Variants in ALG5 observed in about 807,000 individuals in gnomAD.
ALG5 encodes the protein dolichyl-phosphate beta-glucosyltransferase.
A neutral mutation model predicts 51.8 loss-of-function variants in ALG5; 26 were observed. That is an observed-to-expected ratio of 0.50 (90% confidence interval 0.37 to 0.70). ALG5 has a LOEUF of 0.70. Among genes scored for constraint, ALG5 ranks in the 30% least tolerant of loss-of-function variants. The probability of loss-of-function intolerance (pLI) is 0.00; values close to 1 mark genes in which losing one functional copy is unlikely to be tolerated. For missense variants in ALG5, 311 were observed against 399.3 expected (o/e 0.78, Z 1.88); for synonymous variants, 141 against 136.1 (o/e 1.04, Z -0.25).
At chr13:36,989,917 T>A (rs944662260) in intron 4 of ALG5, among the ~76,000 whole-genome samples, 1 of 152,240 alleles carries the variant, frequency 6.6e-6, no homozygotes, top group Non-Finnish European at 1.5e-5. Context: ...CCATGTGCTA[T>A]CTGACTGGTA....
intron 8 of ALG5, among the ~76,000 whole-genome samples, chr13:36,955,913 G>A (rs938634438): frequency 2.6e-5 from 4 of 151,964 alleles, no homozygotes; most frequent in African/African-American, 9.7e-5. Context: ...GAAAACATAT[G>A]GAAAAAACTA....
At chr13:36,991,768 CT>C (rs1037520299) in intron 4 of ALG5, among the ~76,000 whole-genome samples, 4 of 151,382 alleles carry the variant, frequency 2.6e-5, no homozygotes, top group Admixed American at 1.3e-4. Context: ...AGAGATGATT[CT>C]TTTTTTTTGA....
chr13:36,998,022 A>T (rs2059059503), intron 1 of ALG5, among the ~76,000 whole-genome samples: 1 of 152,234 alleles, frequency 6.6e-6, no homozygotes, highest in Admixed American at 6.5e-5. Flanking sequence ...AACTCCTATT[A>T]AACCAAGTGC....
intron 6 of ALG5, among the ~76,000 whole-genome samples, chr13:36,977,806 AAAAAAAAAC>A (rs2058959551): frequency 1.4e-5 from 2 of 147,984 alleles, no homozygotes; most frequent in African/African-American, 5.0e-5. Flanking sequence ...AAAAAAAAAA[AAAAAAAAAC>A]AAAAACGGTG....
intron 6 of ALG5, among the ~76,000 whole-genome samples, chr13:36,980,595 C>T (rs2058975280): frequency 2.0e-5 from 3 of 152,006 alleles, no homozygotes; most frequent in African/African-American, 7.3e-5. Flanking sequence ...GACTAACTAC[C>T]AGTTAGGAAA....
At chr13:36,961,700 T>C (rs920688656) in intron 8 of ALG5, among the ~76,000 whole-genome samples, 2 of 152,178 alleles carry the variant, frequency 1.3e-5, no homozygotes. Context: ...GTTTTTAACA[T>C]ACCCATTTAA....
intron 9 of ALG5, among the ~76,000 whole-genome samples, chr13:36,951,574 T>C (rs2058818055): frequency 6.6e-6 from 1 of 152,208 alleles, no homozygotes; most frequent in Non-Finnish European, 1.5e-5. Context: ...TGTGAATTAA[T>C]TTAGGTTCAT....
At chr13:36,999,193 C>A in intron 1 of ALG5, 42 bp downstream of exon 1, 1 of 1,518,028 alleles carries the variant, frequency 6.6e-7, no homozygotes. Flanking sequence ...TCCAGGAGAG[C>A]GGTAAGCCCC....
rs535486849 is a variant in ALG5, at chr13:36,999,294, G to A, written c.7C>T (p.Pro3Ser). MA[P>S]LLLQLAVLGA... is the part of the protein sequence containing the mutation. ...AGCACCGCCAGCTGCAACAGAAGCG[G>A]AGCCATTCTCCATGCCGTGGCAGCC... The change falls in exon 1 of 10, where the codon CCG (proline) becomes TCG (serine). Residue 3 changes from proline to serine, a missense_variant. Coordinates refer to ENST00000239891, the MANE Select transcript of ALG5 (RefSeq NM_013338.5). 3 of 1,575,500 alleles carry A rather than the reference G, an allele frequency of 1.9e-6. No homozygotes were observed. The highest frequency in any genetic ancestry group is 5.1e-5 in the East Asian group (2 of 39,488).
chr13:36,965,182 AAGG>A (rs1399015218), intron 8 of ALG5, among the ~76,000 whole-genome samples: 2 of 152,144 alleles, frequency 1.3e-5, no homozygotes, highest in Non-Finnish European at 2.9e-5. Context: ...GACAAGGTGG[AAGG>A]AGATGTAGAG....
chr13:36,997,071 AC>A (rs760335929), intron 1 of ALG5, among the ~76,000 whole-genome samples: 23 of 152,290 alleles, frequency 1.5e-4, no homozygotes, highest in Non-Finnish European at 2.6e-4. Context: ...CATCCTAACT[AC>A]CAGTTTATAG....
At chr13:36,994,736 C>A (rs1010378395) in intron 3 of ALG5, among the ~76,000 whole-genome samples, 8 of 151,824 alleles carry the variant, frequency 5.3e-5, no homozygotes, top group African/African-American at 1.9e-4. Flanking sequence ...TCAAGCAAGA[C>A]AGGATTAAAA....
intron 4 of ALG5, 75 bp downstream of exon 4, chr13:36,993,529 A>G: frequency 7.9e-7 from 1 of 1,266,578 alleles, no homozygotes; most frequent in Non-Finnish European, 1.2e-6. Context: ...CTGGTGAATG[A>G]AAGTGAGATT....
chr13:36,972,655 G>A (rs547418104), intron 6 of ALG5, among the ~76,000 whole-genome samples: 1 of 152,234 alleles, frequency 6.6e-6, no homozygotes, highest in African/African-American at 2.4e-5. Context: ...CACACAGAAG[G>A]TCTTGTCATG....
At chr13:36,957,289 C>A (rs568627496) in intron 8 of ALG5, among the ~76,000 whole-genome samples, 1 of 151,400 alleles carries the variant, frequency 6.6e-6, no homozygotes, top group African/African-American at 2.4e-5. Context: ...TACCCACATG[C>A]CCAAATCTCA....
intron 1 of ALG5, among the ~76,000 whole-genome samples, chr13:36,997,964 A>G (rs2059059158): frequency 6.6e-6 from 1 of 152,216 alleles, no homozygotes; most frequent in South Asian, 2.1e-4. Context: ...CCTCACCAGT[A>G]AAATAATGCT....
At chr13:36,952,846 A>G (rs1175575026) in intron 8 of ALG5, 1 of 260,844 alleles carries the variant, frequency 3.8e-6, no homozygotes, top group Non-Finnish European at 7.1e-6. Flanking sequence ...TCACAGAGGT[A>G]AAACTAGCCT....
At chr13:36,998,003 A>ATAG (rs2059059378) in intron 1 of ALG5, among the ~76,000 whole-genome samples, 1 of 152,218 alleles carries the variant, frequency 6.6e-6, no homozygotes, top group Admixed American at 6.5e-5. Flanking sequence ...ACAGTGTTAA[A>ATAG]GATTTAATAA....
chr13:36,991,763 T>G (rs530857889), intron 4 of ALG5, among the ~76,000 whole-genome samples: 17 of 152,122 alleles, frequency 1.1e-4, no homozygotes, highest in Non-Finnish European at 2.1e-4. Flanking sequence ...CACGCAGAGA[T>G]GATTCTTTTT....
Sources: allele counts gnomAD v4.1 joint callset (sites outside exome capture counted in the v4.1 genomes callset), GRCh38; gene constraint gnomAD v4.1.1; transcripts MANE v1.5; gene names NCBI Gene and HGNC (gene_info 2026-07-23, HGNC 2026-07-21).